The following C1orf105 variants were observed in gnomAD, a reference collection of about 807,000 sequenced individuals.
The protein encoded by C1orf105 is chromosome 1 open reading frame 105.
In C1orf105, 17 loss-of-function variants were observed where a neutral mutation model predicts 20.8. The observed-to-expected ratio is 0.82, with a 90% CI of 0.56 to 1.23. The LOEUF (loss-of-function observed/expected upper bound fraction) is 1.23, where lower values mean the gene tolerates loss of function less well. Ranked by LOEUF, C1orf105 falls within the 50% of genes most tolerant of loss-of-function variation. The pLI, the probability that C1orf105 is intolerant of heterozygous loss-of-function variation, is 0.00. For missense variants in C1orf105, 219 were observed against 213.5 expected, an observed-to-expected ratio of 1.03 and a Z score of -0.16; for synonymous variants, 72 against 72.1, an observed-to-expected ratio of 1.00 and a Z score of 0.01.
intron 3 of C1orf105, chr1:172,453,083 C>T: frequency 6.4e-7 from 1 of 1,550,700 alleles, no homozygotes; most frequent in Middle Eastern, 1.7e-4. Flanking sequence ...TTTAAAGTAG[C>T]CTGTCACAGC....
chr1:172,435,545 GC>G (rs1286640915), intron 1 of C1orf105, among the ~76,000 whole-genome samples: 3 of 152,050 alleles, frequency 2.0e-5, no homozygotes, highest in Non-Finnish European at 4.4e-5. Context: ...AAATTCAACA[GC>G]CCTTCATGCT....
At chr1:172,444,438 T>A (rs1647742611) in intron 1 of C1orf105, among the ~76,000 whole-genome samples, 1 of 152,210 alleles carries the variant, frequency 6.6e-6, no homozygotes, top group African/African-American at 2.4e-5. Flanking sequence ...TGCCTGCATG[T>A]AACAAGCCAT....
At chr1:172,435,106 T>C (rs190219657) in intron 1 of C1orf105, among the ~76,000 whole-genome samples, 2,747 of 152,244 alleles carry the variant, frequency 0.018, 34 homozygotes, top group South Asian at 0.038. Context: ...AAATAATTAA[T>C]AGCCTACCAA....
chr1:172,430,732 C>T (rs556226194), intron 1 of C1orf105, among the ~76,000 whole-genome samples: 165 of 152,242 alleles, frequency 1.1e-3, no homozygotes, highest in Middle Eastern at 6.8e-3. Flanking sequence ...TGAGCCATTG[C>T]GCCCAGCCAG....
At chr1:172,462,308 G>A in intron 5 of C1orf105, 63 bp downstream of exon 5, 1 of 1,228,626 alleles carries the variant, frequency 8.1e-7, no homozygotes, top group Non-Finnish European at 1.2e-6. Flanking sequence ...ACACAGGAGA[G>A]TGGATTGAGA....
intron 3 of C1orf105, chr1:172,451,204 G>A (rs1030325836): frequency 7.2e-5 from 11 of 152,178 alleles, no homozygotes; most frequent in African/African-American, 2.7e-4. Flanking sequence ...ATTAACTAGA[G>A]CTCCTCAGTT....
rs1332567010 is a variant in C1orf105 at position 172,428,677 on chromosome 1, C to T, written c.21+7771C>T. 26 of 572,636 alleles carry T rather than the reference C, an allele frequency of 4.5e-5. 1 individual carries two copies. Among genetic ancestry groups the T allele is most frequent in the Non-Finnish European group, 7.0e-5 (23 of 328,124 alleles). 35.5% of individuals were successfully genotyped at this position (572,636 alleles called of 1,614,324 possible). A position where few individuals can be genotyped will look rare whatever the true frequency, so the allele number is the denominator to read the frequency against. On this transcript the variant is annotated intron_variant, in intron 1 of 6. Transcript: ENST00000367727. Reference sequence around the variant, plus strand: ...TCTGACCTCTTTATTTAATGCTATGCCACTTTTTTCTTTTTTCCATAGCAC... The same window carrying T: ...TCTGACCTCTTTATTTAATGCTATGTCACTTTTTTCTTTTTTCCATAGCAC...
chr1:172,465,211 A>G (rs1020666786), intron 5 of C1orf105, 88 bp from the exon 6 acceptor site: 1 of 550,112 alleles, frequency 1.8e-6, no homozygotes, highest in Non-Finnish European at 2.8e-6. Flanking sequence ...AATAATAAAT[A>G]AATAAAAATA....
At chr1:172,428,308 C>T (rs976137558) in intron 1 of C1orf105, among the ~76,000 whole-genome samples, 1 of 152,194 alleles carries the variant, frequency 6.6e-6, no homozygotes. Context: ...TCTTGCCCTA[C>T]AGCAACCAGA....
intron 1 of C1orf105, among the ~76,000 whole-genome samples, chr1:172,427,895 T>C (rs1014054662): frequency 1.3e-5 from 2 of 152,210 alleles, no homozygotes; most frequent in African/African-American, 4.8e-5. Flanking sequence ...ATCCCGAATT[T>C]ATATCTGAAT....
At chr1:172,453,280 A>G in intron 3 of C1orf105, 1 of 1,374,964 alleles carries the variant, frequency 7.3e-7, no homozygotes, top group Non-Finnish European at 9.8e-7. Flanking sequence ...TGTCTTTTTG[A>G]ACACAAAGAC....
chr1:172,441,728 T>C (rs1222217620), intron 1 of C1orf105: 2 of 1,536,252 alleles, frequency 1.3e-6, no homozygotes, highest in Admixed American at 2.1e-5. Context: ...GATGTCCTAA[T>C]TTAACTGAGG....
At chr1:172,442,686 G>A (rs138099737) in intron 1 of C1orf105, 1 of 1,405,318 alleles carries the variant, frequency 7.1e-7, no homozygotes, top group Admixed American at 1.9e-5. Flanking sequence ...GGTGGTTCTT[G>A]TTCTTTATGA....
intron 1 of C1orf105, among the ~76,000 whole-genome samples, chr1:172,432,807 A>C (rs2071912020): frequency 6.6e-6 from 1 of 152,244 alleles, no homozygotes; most frequent in African/African-American, 2.4e-5. Context: ...GGTCAGTAAT[A>C]ACAAACTTTT....
At chr1:172,449,094 C>T (rs1648326099) in intron 3 of C1orf105, among the ~76,000 whole-genome samples, 1 of 152,134 alleles carries the variant, frequency 6.6e-6, no homozygotes, top group African/African-American at 2.4e-5. Flanking sequence ...TTGCACATTC[C>T]TCACAGGGCT....
chr1:172,442,667 A>G (rs1647456615), intron 1 of C1orf105: 5 of 1,525,850 alleles, frequency 3.3e-6, no homozygotes, highest in Middle Eastern at 1.7e-4. Context: ...TCGCCCTCAC[A>G]GAAGTCCAGG....
intron 4 of C1orf105, among the ~76,000 whole-genome samples, chr1:172,457,314 T>G (rs1649349366): frequency 6.6e-6 from 1 of 152,144 alleles, no homozygotes; most frequent in Admixed American, 6.5e-5. Context: ...TAATTCTCCT[T>G]TGACTTGGGG....
At chr1:172,449,817 C>G (rs1648413610) in intron 3 of C1orf105, among the ~76,000 whole-genome samples, 1 of 152,182 alleles carries the variant, frequency 6.6e-6, no homozygotes, top group Non-Finnish European at 1.5e-5. Context: ...GCAGGACTGG[C>G]TTAGCAATTG....
chr1:172,438,728 C>T (rs137970125), intron 1 of C1orf105, among the ~76,000 whole-genome samples: 133 of 152,278 alleles, frequency 8.7e-4, no homozygotes, highest in African/African-American at 2.9e-3. Context: ...AAAATGCTAT[C>T]AAACAGCATC....
Sources: allele counts gnomAD v4.1 joint callset (sites outside exome capture counted in the v4.1 genomes callset), GRCh38; gene constraint gnomAD v4.1.1; transcripts MANE v1.5; gene names NCBI Gene and HGNC (gene_info 2026-07-23, HGNC 2026-07-21).